The following SLC35F3 variants were observed in gnomAD, a reference collection of about 807,000 sequenced individuals.
The protein encoded by SLC35F3 is putative thiamine transporter SLC35F3.
Under a neutral mutation model 49.9 loss-of-function variants are expected in SLC35F3, and 25 were observed. The observed-to-expected ratio is 0.50, with a 90% confidence interval of 0.37 to 0.70. The LOEUF is 0.70. SLC35F3 is among the 30% of genes least tolerant of loss of function. The probability of loss-of-function intolerance (pLI) is 0.00; values close to 1 mark genes in which losing one functional copy is unlikely to be tolerated. For synonymous variants in SLC35F3, 275 were observed against 265.4 expected, an observed-to-expected ratio of 1.04 and a Z score of -0.35; for missense variants, 525 against 639.8, an observed-to-expected ratio of 0.82 and a Z score of 1.94.
chr1:233,991,566 C>G (rs892116955), intron 2 of SLC35F3, among the ~76,000 whole-genome samples: 3 of 152,124 alleles, frequency 2.0e-5, no homozygotes, highest in South Asian at 2.1e-4. Flanking sequence ...TCTCTCCTGT[C>G]CAAAAGCGAT....
chr1:233,960,387 C>G (rs758925528), intron 2 of SLC35F3, among the ~76,000 whole-genome samples: 3 of 152,136 alleles, frequency 2.0e-5, no homozygotes, highest in African/African-American at 7.2e-5. Flanking sequence ...CCAATACAAG[C>G]GGCCACTTTT....
chr1:234,231,362 A>T lies in SLC35F3; in HGVS notation c.284-55A>T. On this transcript the variant is annotated intron_variant, in intron 2 of 7. Coordinates refer to ENST00000366618, the MANE Select transcript of SLC35F3 (RefSeq NM_173508.4). This position sits in a 1 kb window ranked among gnomAD's most constrained non-coding sequence, Gnocchi z 5.4. ...AATGGCTGCAGGGCAGCGCCCTGCG[A>T]AGTGCAGGGGTGAAGGTCTGCAGGC... 4.4e-6 allele frequency: 6 copies of T among 1,361,624 alleles called. No individual in the cohort carries two copies. Among genetic ancestry groups the T allele is most frequent in the Non-Finnish European group, 5.9e-6 (6 of 1,024,966 alleles). The allele number at this position is 1,361,624 out of a possible 1,614,324, so 84.3% of individuals were successfully genotyped here.
intron 2 of SLC35F3, among the ~76,000 whole-genome samples, chr1:234,058,336 T>TTA (rs1176868114): frequency 7.8e-6 from 1 of 128,422 alleles, no homozygotes; most frequent in African/African-American, 3.2e-5. Context: ...GAATTTTTTT[T>TTA]TTTTTTTTTT....
Position 234,309,107 on chromosome 1 carries a change from C to T in SLC35F3, c.615C>T (p.Cys205=). 6.2e-7 allele frequency: 1 copy of T among 1,613,518 alleles called. No homozygotes were observed. The highest frequency in any genetic ancestry group is 8.5e-7 in the Non-Finnish European group (1 of 1,179,782). ...KQSVKQRYRE[C]CRFFGDNGLT... The stretch of plus-strand genomic sequence containing the variant: ...CTCTCTTTCCTTGTTTTAGGGAATG[C>T]TGTCGATTTTTTGGAGACAATGGCT... The change falls in exon 4 of 8, where the codon TGC becomes TGT. Residue 205 remains cysteine, a synonymous_variant. Coordinates refer to ENST00000366618, the MANE Select transcript of SLC35F3 (RefSeq NM_173508.4).
At position 234,238,319 on chromosome 1, in the gene SLC35F3, T is replaced by C. The variant is rs1328117655; in HGVS notation, c.608+6578T>C. On this transcript the variant is annotated intron_variant, in intron 3 of 7. Coordinates refer to ENST00000366618, the MANE Select transcript of SLC35F3 (RefSeq NM_173508.4). ...TGTCTGGTACAGCCACAGGAAATCA[T>C]GTAATCAATGCTCCAAGTCTAAATG... Among the ~76,000 whole-genome samples the C allele has an allele frequency of 3.3e-5, 5 of 152,134 alleles. No individual in the cohort carries two copies. In the East Asian group the frequency reaches 9.6e-4, roughly 29 times the overall value.
At chr1:234,151,870 T>C (rs1211490640) in intron 2 of SLC35F3, among the ~76,000 whole-genome samples, 1 of 152,054 alleles carries the variant, frequency 6.6e-6, no homozygotes, top group Non-Finnish European at 1.5e-5. Flanking sequence ...AAGAAAACTT[T>C]CCAGAAATAA....
chr1:233,945,578 G>A (rs1159915974), intron 2 of SLC35F3, among the ~76,000 whole-genome samples: 3 of 152,214 alleles, frequency 2.0e-5, no homozygotes, highest in Non-Finnish European at 2.9e-5. Context: ...TCTCAGGGAT[G>A]TTGATACAGT....
intron 2 of SLC35F3, among the ~76,000 whole-genome samples, chr1:234,118,721 CTG>C (rs989020151): frequency 2.0e-5 from 3 of 152,214 alleles, no homozygotes; most frequent in Non-Finnish European, 2.9e-5. Context: ...AATGAGGAAA[CTG>C]AGGCTCAGGG....
chr1:234,201,334 A>G (rs1406472472), intron 2 of SLC35F3, among the ~76,000 whole-genome samples: 1 of 152,228 alleles, frequency 6.6e-6, no homozygotes, highest in Non-Finnish European at 1.5e-5. Context: ...GTTCATGCTA[A>G]CAAGTTAAGC....
At position 234,139,993 on chromosome 1, in the gene SLC35F3, A is replaced by ATAAAATAAAG. The variant is rs1491254418; in HGVS notation, c.284-91420_284-91411dup. Among the ~76,000 whole-genome samples the ATAAAATAAAG allele has an allele frequency of 1.3e-3, 176 of 139,650 alleles. 12 individuals are homozygous for ATAAAATAAAG. The highest frequency in any genetic ancestry group is 8.2e-3 in the Admixed American group (115 of 14,100). The allele number at this position is 139,650 out of a possible 152,430, so 91.6% of individuals were successfully genotyped here. ...ATAAAATAAAATAAAATAAAATAAAATAAAATAAAGTAAGTGACTTGAACA... is the reference window on the plus strand; with the variant it reads ...ATAAAATAAAATAAAATAAAATAAAATAAAATAAAGTAAAATAAAGTAAGTGACTTGAACA... On this transcript the variant is annotated intron_variant, in intron 2 of 7. Transcript: ENST00000366618.
intron 2 of SLC35F3, among the ~76,000 whole-genome samples, chr1:234,144,834 A>G (rs928480779): frequency 1.3e-5 from 2 of 152,210 alleles, no homozygotes; most frequent in Non-Finnish European, 2.9e-5. Flanking sequence ...AGGGGTGTCC[A>G]ATAGACAGTA....
chr1:233,925,078 G>A (rs1662133745), intron 2 of SLC35F3, among the ~76,000 whole-genome samples: 1 of 152,212 alleles, frequency 6.6e-6, no homozygotes, highest in Non-Finnish European at 1.5e-5. Context: ...TGGAATAGGT[G>A]TGGTGTGGTG....
At chr1:234,013,892 A>C (rs79767644) in intron 2 of SLC35F3, among the ~76,000 whole-genome samples, 4 of 152,046 alleles carry the variant, frequency 2.6e-5, no homozygotes, top group Non-Finnish European at 5.9e-5. Flanking sequence ...GCTACTGCTG[A>C]ATTCTGTCAA....
At chr1:234,021,002 G>A (rs749849474) in intron 2 of SLC35F3, among the ~76,000 whole-genome samples, 4 of 152,170 alleles carry the variant, frequency 2.6e-5, no homozygotes, top group Admixed American at 6.5e-5. Flanking sequence ...GCATAGCTGC[G>A]GAGATTTTAG....
At chr1:234,165,507 T>C (rs751953764) in intron 2 of SLC35F3, among the ~76,000 whole-genome samples, 3 of 152,144 alleles carry the variant, frequency 2.0e-5, no homozygotes, top group African/African-American at 4.8e-5. Flanking sequence ...ATTCATAAAA[T>C]AGTGGATCTC....
chr1:234,135,863 C>G (rs1393088316), intron 2 of SLC35F3, among the ~76,000 whole-genome samples: 1 of 152,236 alleles, frequency 6.6e-6, no homozygotes, highest in Non-Finnish European at 1.5e-5. Flanking sequence ...GATCCAAGTT[C>G]ACTGATGCCA....
At chr1:233,927,206 TAAAC>T (rs1277702978) in intron 2 of SLC35F3, among the ~76,000 whole-genome samples, 2 of 152,218 alleles carry the variant, frequency 1.3e-5, no homozygotes, top group East Asian at 1.9e-4. Flanking sequence ...AAAGTTTCTA[TAAAC>T]AAACAATCAT....
At chr1:234,077,150 G>A (rs1454081665) in intron 2 of SLC35F3, among the ~76,000 whole-genome samples, 9 of 151,398 alleles carry the variant, frequency 5.9e-5, no homozygotes, top group South Asian at 2.1e-4. Flanking sequence ...GACTACAGGC[G>A]CCCGCCACCG....
At chr1:234,145,804 A>G (rs1203391628) in intron 2 of SLC35F3, among the ~76,000 whole-genome samples, 1 of 152,194 alleles carries the variant, frequency 6.6e-6, no homozygotes, top group Non-Finnish European at 1.5e-5. Context: ...CCTGGAACCA[A>G]TCCCCCAGGG....
Sources: gnomAD v4.1 joint callset for allele counts (sites outside exome capture counted in the v4.1 genomes callset) on GRCh38, gnomAD v4.1.1 for gene constraint, Gnocchi (gnomAD v3.1) non-coding constraint, MANE v1.5 for transcripts, NCBI Gene and HGNC (gene_info 2026-07-23, HGNC 2026-07-21) for gene names.